VAMP5: variants seen among roughly 807,000 people sequenced by gnomAD.
VAMP5 encodes vesicle-associated membrane protein 5.
VAMP5 carries 10 observed loss-of-function variants against 8.1 expected under a neutral mutation model. That is an observed-to-expected ratio of 1.23 (90% confidence interval 0.76 to 2.09). The LOEUF is 2.09. Ranked by LOEUF, VAMP5 falls within the 30% of genes most tolerant of loss-of-function variation. The pLI, the probability that VAMP5 is intolerant of heterozygous loss-of-function variation, is 0.00. For missense variants in VAMP5, 135 were observed against 152.5 expected (o/e 0.89, Z 0.60); for synonymous variants, 62 against 60.6 (o/e 1.02, Z -0.11).
intron 1 of VAMP5, among the ~76,000 whole-genome samples, chr2:85,586,403 C>T (rs551746877): frequency 2.0e-5 from 3 of 152,038 alleles, no homozygotes; most frequent in East Asian, 3.9e-4. Context: ...GGTGAAATCC[C>T]GTCTCTACTA....
In VAMP5 at chr2:85,584,448, G is replaced by A. The variant is rs1229543597; in HGVS notation, c.-43G>A. 6.4e-6 allele frequency: 8 copies of A among 1,244,536 alleles called. No homozygotes were observed. Among genetic ancestry groups the A allele is most frequent in the African/African-American group, 1.6e-5 (1 of 64,480 alleles). The allele number at this position is 1,244,536 out of a possible 1,614,324, so 77.1% of individuals were successfully genotyped here. ...CCGCTGGCACTGCGGCCGCTCCGCA[G>A]GCAGAGAAGCCGGGAGCGGGCGAGG... On this transcript the variant is annotated 5_prime_UTR_variant, in exon 1 of 3. Transcript: ENST00000306384.
intron 1 of VAMP5, 25 bp from the exon 2 acceptor site, chr2:85,591,700 C>A: frequency 6.2e-7 from 1 of 1,613,756 alleles, no homozygotes; most frequent in Non-Finnish European, 8.5e-7. Flanking sequence ...CCTCATGCAG[C>A]CCTGACCTCG....
chr2:85,587,227 A>T (rs182721985), intron 1 of VAMP5, among the ~76,000 whole-genome samples: 24 of 151,988 alleles, frequency 1.6e-4, no homozygotes, highest in African/African-American at 5.3e-4. Context: ...ATTTTATAAA[A>T]CGAAGAGGTT....
At chr2:85,592,019 G>A (rs1428492729) in intron 2 of VAMP5, among the ~76,000 whole-genome samples, 157 bp downstream of exon 2, 1 of 152,188 alleles carries the variant, frequency 6.6e-6, no homozygotes, top group Non-Finnish European at 1.5e-5. Context: ...GCCTAGACAT[G>A]CAACAGATAG....
At chr2:85,587,770 G>A (rs1403047055) in intron 1 of VAMP5, among the ~76,000 whole-genome samples, 1 of 152,148 alleles carries the variant, frequency 6.6e-6, no homozygotes, top group Admixed American at 6.5e-5. Context: ...CATATCCTCA[G>A]TCTCAGTCAC....
chr2:85,592,798 CTCA>C, intron 2 of VAMP5, 147 bp from the exon 3 acceptor site: 2 of 524,858 alleles, frequency 3.8e-6, no homozygotes, highest in African/African-American at 4.5e-5. Flanking sequence ...GAGACTCCTT[CTCA>C]AAAAAAAAAA....
intron 1 of VAMP5, among the ~76,000 whole-genome samples, chr2:85,589,727 G>A (rs1264199439): frequency 1.3e-5 from 2 of 151,440 alleles, no homozygotes; most frequent in Non-Finnish European, 2.9e-5. Flanking sequence ...GTGTGATCTC[G>A]GCTCACTGCA....
intron 1 of VAMP5, among the ~76,000 whole-genome samples, chr2:85,587,330 T>C (rs1303123824): frequency 2.0e-5 from 3 of 151,860 alleles, no homozygotes; most frequent in Non-Finnish European, 2.9e-5. Flanking sequence ...CTTAGTTCAC[T>C]GCAACCTCTG....
intron 1 of VAMP5, among the ~76,000 whole-genome samples, chr2:85,587,074 CAA>C (rs1214917531): frequency 7.5e-6 from 1 of 133,796 alleles, no homozygotes. Context: ...GACACCATCT[CAA>C]AAAAAAAAAG....
At chr2:85,592,865 A>ACTGAGAT (rs1672565315) in intron 2 of VAMP5, 83 bp from the exon 3 acceptor site, 2 of 1,423,180 alleles carry the variant, frequency 1.4e-6, no homozygotes, top group Non-Finnish European at 2.0e-6. Context: ...ACTAAGCCTT[A>ACTGAGAT]CTGAGATGGG....
Position 85,591,865 on chromosome 2 carries a change from G to A in VAMP5, c.141+3G>A. ...GTTCAGACCAACTCCTGGATATGGT[G>A]TGAGGCCTGGGGGAGCATGGAGGGG... On this transcript the variant is annotated splice_donor_region_variant and intron_variant, in intron 2 of 2. Coordinates refer to ENST00000306384, the MANE Select transcript of VAMP5 (RefSeq NM_006634.3). 1.9e-6 allele frequency: 3 copies of A among 1,614,146 alleles called. No homozygotes were observed. Among genetic ancestry groups the A allele is most frequent in the Non-Finnish European group, 2.5e-6 (3 of 1,180,004 alleles).
In VAMP5 at chr2:85,592,976, A is replaced by C. The variant is rs1290985160; in HGVS notation, c.170A>C (p.Asn57Thr). The C allele has an allele frequency of 1.2e-6, 2 of 1,613,988 alleles. No homozygotes were observed. The highest frequency in any genetic ancestry group is 4.5e-5 in the East Asian group (2 of 44,876). Residue 57 changes from asparagine to threonine, a missense_variant, in exon 3 of 3, where the codon AAC becomes ACC. Transcript: ENST00000306384. ...MSSTFNKTTQ[N>T]LAQKKCWENI... ...TCAACCTTCAACAAGACTACACAGA[A>C]CCTGGCCCAGAAGAAGTGCTGGGAG...
In VAMP5 at chr2:85,593,220, C is replaced by T. The variant is rs1672576374; in HGVS notation, c.*63C>T. 2 of 1,577,732 alleles carry T rather than the reference C, an allele frequency of 1.3e-6. No individual in the cohort carries two copies. The highest frequency in any genetic ancestry group is 4.6e-5 in the East Asian group (2 of 43,878). On this transcript the variant is annotated 3_prime_UTR_variant, in exon 3 of 3. Coordinates refer to ENST00000306384, the MANE Select transcript of VAMP5 (RefSeq NM_006634.3). The stretch of plus-strand genomic sequence containing the variant: ...TGGCCGATTCTGGTCTCCAGAGGAC[C>T]TTGGTGTTTGCTCTCCCTTGACCCA...
At position 85,592,953 on chromosome 2, in the gene VAMP5, A is replaced by G. The variant is rs1201053353; in HGVS notation, c.147A>G (p.Ser49=). ...GTGTCTGGGGGTATCCGCAGAGCTCAACCTTCAACAAGACTACACAGAACC... is the reference window on the plus strand; with the variant it reads ...GTGTCTGGGGGTATCCGCAGAGCTCGACCTTCAACAAGACTACACAGAACC... ...QRSDQLLDMS[S]TFNKTTQNLA... is the part of the protein sequence containing the mutation. The change falls in exon 3 of 3, where the codon TCA becomes TCG. Residue 49 remains serine, a synonymous_variant. Transcript: ENST00000306384. The G allele has an allele frequency of 1.9e-6, 3 of 1,613,712 alleles. No homozygotes were observed. The highest frequency in any genetic ancestry group is 1.7e-5 in the Admixed American group (1 of 60,002).
chr2:85,590,683 A>G (rs1672526769), intron 1 of VAMP5, among the ~76,000 whole-genome samples: 1 of 152,122 alleles, frequency 6.6e-6, no homozygotes. Context: ...TAAGGAGGGG[A>G]AGGGAACAGG....
intron 1 of VAMP5, among the ~76,000 whole-genome samples, chr2:85,589,500 C>T (rs1672509760): frequency 6.6e-6 from 1 of 152,196 alleles, no homozygotes; most frequent in Non-Finnish European, 1.5e-5. Context: ...ACCCAAATAT[C>T]ACCCCTTGTT....
intron 2 of VAMP5, 50 bp downstream of exon 2, chr2:85,591,912 C>G: frequency 6.2e-7 from 1 of 1,606,932 alleles, no homozygotes; most frequent in South Asian, 1.1e-5. Flanking sequence ...TTGGGAAAGT[C>G]TCTCTTGGGC....
At chr2:85,591,400 A>T (rs1672535803) in intron 1 of VAMP5, among the ~76,000 whole-genome samples, 1 of 152,132 alleles carries the variant, frequency 6.6e-6, no homozygotes, top group South Asian at 2.1e-4. Context: ...GTGAGAAAAG[A>T]ATCAGCTTTG....
chr2:85,589,962 T>G (rs1558824862), intron 1 of VAMP5, among the ~76,000 whole-genome samples: 1 of 152,118 alleles, frequency 6.6e-6, no homozygotes, highest in Non-Finnish European at 1.5e-5. Flanking sequence ...CCAGCCTGCC[T>G]TGGAGTATTT....
Sources: allele counts gnomAD v4.1 joint callset (sites outside exome capture counted in the v4.1 genomes callset), GRCh38; gene constraint gnomAD v4.1.1; transcripts MANE v1.5; gene names NCBI Gene and HGNC (gene_info 2026-07-23, HGNC 2026-07-21).